The following ARFGEF1 variants were observed in gnomAD, a reference collection of about 807,000 sequenced individuals.
ARFGEF1 encodes the protein ARF guanine nucleotide exchange factor 1.
A neutral mutation model predicts 231.0 loss-of-function variants in ARFGEF1; 42 were observed. That is an observed-to-expected ratio of 0.18 (90% CI 0.14 to 0.24). The LOEUF (loss-of-function observed/expected upper bound fraction) is 0.24. Among genes scored for constraint, ARFGEF1 ranks in the 10% least tolerant of loss-of-function variants. ARFGEF1 has a pLI of 1.00. For missense variants in ARFGEF1, 1,345 were observed against 2,192.0 expected, an observed-to-expected ratio of 0.61 and a Z score of 7.72; for synonymous variants, 710 against 732.3, an observed-to-expected ratio of 0.97 and a Z score of 0.49.
chr8:67,288,796 G>T (rs10105795), intron 6 of ARFGEF1, among the ~76,000 whole-genome samples: 78,103 of 151,932 alleles, frequency 0.51, 23,489 homozygotes, highest in African/African-American at 0.85. Flanking sequence ...AGATCAACAT[G>T]GTACTCTATG....
intron 5 of ARFGEF1, chr8:67,190,790 A>T (rs1203378534): frequency 6.7e-7 from 1 of 1,484,924 alleles, no homozygotes; most frequent in Non-Finnish European, 9.4e-7. Flanking sequence ...CCCCTTTTCA[A>T]CTTAGAAGAA....
intron 1 of ARFGEF1, among the ~76,000 whole-genome samples, chr8:67,311,067 A>C (rs549290371): frequency 8.5e-4 from 121 of 142,352 alleles, no homozygotes; most frequent in Middle Eastern, 4.1e-3. Flanking sequence ...CTGGGAAGTG[A>C]GGAGCCCCTC....
At chr8:67,193,739 G>GTAAC (rs1419357661), downstream of ARFGEF1, 2 of 638,062 alleles carry the variant, frequency 3.1e-6, no homozygotes, top group African/African-American at 3.7e-5. Context: ...CCAAGACATA[G>GTAAC]TAACTATTGA....
At chr8:67,195,817 C>CATAA (rs1460133279), downstream of ARFGEF1, 4 of 494,494 alleles carry the variant, frequency 8.1e-6, no homozygotes, top group Non-Finnish European at 1.4e-5. Flanking sequence ...ACAGTTTTGT[C>CATAA]ATAAATTAGG....
At chr8:67,280,387 G>A (rs1805485824) in intron 7 of ARFGEF1, among the ~76,000 whole-genome samples, 1 of 152,206 alleles carries the variant, frequency 6.6e-6, no homozygotes, top group African/African-American at 2.4e-5. Flanking sequence ...AGTAGGCCAG[G>A]AAAGGAGAGA....
chr8:67,296,352 A>T (rs1806231696), intron 5 of ARFGEF1, 79 bp downstream of exon 5: 1 of 1,265,602 alleles, frequency 7.9e-7, no homozygotes, highest in African/African-American at 1.5e-5. Context: ...CAAAGATTTC[A>T]CTCTAATTAC....
intron 15 of ARFGEF1, among the ~76,000 whole-genome samples, 175 bp downstream of exon 15, chr8:67,259,640 C>T (rs891179903): frequency 3.3e-5 from 5 of 152,064 alleles, no homozygotes; most frequent in Admixed American, 6.6e-5. Flanking sequence ...CGGGGCCAGG[C>T]GTGGTGGCTC....
chr8:67,181,567 C>A (rs1387333076), intron 5 of ARFGEF1, among the ~76,000 whole-genome samples: 1 of 152,070 alleles, frequency 6.6e-6, no homozygotes, highest in Admixed American at 6.6e-5. Flanking sequence ...TTAACAGTCA[C>A]TGCAAATGCT....
chr8:67,304,107 G>A (rs541746924), intron 1 of ARFGEF1, among the ~76,000 whole-genome samples: 1 of 152,232 alleles, frequency 6.6e-6, no homozygotes, highest in South Asian at 2.1e-4. Flanking sequence ...CTAAATTGGG[G>A]TATGATAAAC....
chr8:67,249,122 T>C (rs1457922841), intron 19 of ARFGEF1, among the ~76,000 whole-genome samples: 1 of 150,356 alleles, frequency 6.7e-6, no homozygotes, highest in Non-Finnish European at 1.5e-5. Context: ...AGAGATGTAG[T>C]TCCTTATCTC....
At chr8:67,288,234 A>T (rs1288916292) in intron 6 of ARFGEF1, among the ~76,000 whole-genome samples, 169 bp from the exon 7 acceptor site, 3 of 151,760 alleles carry the variant, frequency 2.0e-5, no homozygotes, top group Non-Finnish European at 4.4e-5. Flanking sequence ...AATGTATACC[A>T]AAACTTAAAT....
In ARFGEF1 at chr8:67,281,673, A is replaced by C. The variant is rs568750514; in HGVS notation, c.1028-4216T>G. The stretch of plus-strand genomic sequence containing the variant: ...AAGAGACAAAGATAAAAATATCATT[A>C]TTCACTTAGAAAAAATAGCCAAATG... On this transcript the variant is annotated intron_variant, in intron 7 of 38. Transcript: ENST00000262215. 6.2e-4 allele frequency among the ~76,000 whole-genome samples: 94 copies of C among 152,132 alleles called. 1 individual carries two copies. Among genetic ancestry groups the C allele is most frequent in the Non-Finnish European group, 1.1e-3 (76 of 67,998 alleles).
intron 1 of ARFGEF1, among the ~76,000 whole-genome samples, chr8:67,308,932 T>C (rs1033478115): frequency 6.6e-5 from 10 of 152,170 alleles, no homozygotes; most frequent in Admixed American, 5.9e-4. Flanking sequence ...CTACCTTTAG[T>C]AATTCTGAAA....
At chr8:67,282,658 C>T (rs909974817) in intron 7 of ARFGEF1, among the ~76,000 whole-genome samples, 4 of 151,700 alleles carry the variant, frequency 2.6e-5, no homozygotes, top group Non-Finnish European at 4.4e-5. Flanking sequence ...CCAGCCTGGC[C>T]AACATGGTAA....
intron 8 of ARFGEF1, among the ~76,000 whole-genome samples, chr8:67,276,513 A>G (rs1805319851): frequency 6.6e-6 from 1 of 152,112 alleles, no homozygotes; most frequent in African/African-American, 2.4e-5. Context: ...CTGGGCAAAT[A>G]TAAACTGAAG....
At chr8:67,320,667 A>G (rs1309202543) in intron 1 of ARFGEF1, among the ~76,000 whole-genome samples, 2 of 152,220 alleles carry the variant, frequency 1.3e-5, no homozygotes, top group Non-Finnish European at 2.9e-5. Context: ...AGTAAAAAAG[A>G]AACAGACAGT....
intron 34 of ARFGEF1, among the ~76,000 whole-genome samples, chr8:67,210,003 AAATT>A (rs1175736045): frequency 6.6e-6 from 1 of 151,910 alleles, no homozygotes; most frequent in Admixed American, 6.6e-5. Context: ...AATAAAAAAA[AAATT>A]AATTGGGTAT....
At chr8:67,201,780 A>T (rs1314684296) in intron 36 of ARFGEF1, 175 bp from the exon 37 acceptor site, 1 of 799,932 alleles carries the variant, frequency 1.3e-6, no homozygotes, top group East Asian at 3.0e-5. Flanking sequence ...TTCCCTCCCT[A>T]TTCAAGCTGG....
intron 5 of ARFGEF1, among the ~76,000 whole-genome samples, chr8:67,189,580 TTA>T (rs1219381286): frequency 2.0e-5 from 3 of 152,246 alleles, no homozygotes; most frequent in Non-Finnish European, 1.5e-5. Flanking sequence ...TGAATATCAA[TTA>T]TATGTTAAAC....
Sources: gnomAD v4.1 joint callset for allele counts (sites outside exome capture counted in the v4.1 genomes callset) on GRCh38, gnomAD v4.1.1 for gene constraint, MANE v1.5 for transcripts, NCBI Gene and HGNC (gene_info 2026-07-23, HGNC 2026-07-21) for gene names.